PCDHA5: variants seen among roughly 807,000 people sequenced by gnomAD.
The protein encoded by PCDHA5 is protocadherin alpha 5.
Under a neutral mutation model 61.6 loss-of-function variants are expected in PCDHA5, and 43 were observed. The observed-to-expected ratio is 0.70, with a 90% CI of 0.55 to 0.90. The LOEUF (loss-of-function observed/expected upper bound fraction) is 0.90. Among genes scored for constraint, PCDHA5 ranks in the 40% least tolerant of loss-of-function variants. The probability of loss-of-function intolerance (pLI) is 0.00; values close to 1 mark genes in which losing one functional copy is unlikely to be tolerated. For synonymous variants in PCDHA5, 627 were observed against 543.9 expected, an observed-to-expected ratio of 1.15 and a Z score of -2.13; for missense variants, 1,298 against 1,222.7, an observed-to-expected ratio of 1.06 and a Z score of -0.92.
intron 1 of PCDHA5, among the ~76,000 whole-genome samples, chr5:140,844,056 C>T (rs2150368567): frequency 1.3e-5 from 2 of 149,686 alleles, no homozygotes; most frequent in African/African-American, 4.9e-5. Context: ...TCCCCCAAAG[C>T]GTTTATTCTT....
At position 140,835,897 on chromosome 5, in the gene PCDHA5, C is replaced by G. The variant is rs2150247732; in HGVS notation, c.2352+11770C>G. The G allele has an allele frequency of 2.6e-5, 42 of 1,611,960 alleles. No homozygotes were observed. Among genetic ancestry groups the G allele is most frequent in the Middle Eastern group, 4.0e-4 (2 of 4,944 alleles). On this transcript the variant is annotated intron_variant, in intron 1 of 3. Coordinates refer to ENST00000529859, the MANE Select transcript of PCDHA5 (RefSeq NM_018908.3). ...CTGCGGGTGGGCGAGCGCGCGCTGT[C>G]GAGCTACGTGTCAGTGCACGCGGAG...
Position 140,899,489 on chromosome 5 carries a change from A to G in PCDHA5, c.2352+75362A>G, listed in dbSNP as rs1445369123. 2.0e-5 allele frequency among the ~76,000 whole-genome samples: 3 copies of G among 152,246 alleles called. 1 individual carries two copies. Among genetic ancestry groups the G allele is most frequent in the Non-Finnish European group, 4.4e-5 (3 of 68,052 alleles). On this transcript the variant is annotated intron_variant, in intron 1 of 3. Coordinates refer to ENST00000529859, the MANE Select transcript of PCDHA5 (RefSeq NM_018908.3). ...TTTGGTTCTGTTTATATGCTGGATT[A>G]CATTTATTGATTTGCATATATTGCA...
In PCDHA5 at chr5:140,843,823, A is replaced by G; in HGVS notation, c.2352+19696A>G. ...CACCGTATTTTATAGTGAAAATTTAAACATTGTTTAGTTTTTAGAAACCTT... is the reference window on the plus strand; with the variant it reads ...CACCGTATTTTATAGTGAAAATTTAGACATTGTTTAGTTTTTAGAAACCTT... On this transcript the variant is annotated intron_variant, in intron 1 of 3. Transcript: ENST00000529859. 4 of 1,201,188 alleles carry G rather than the reference A, an allele frequency of 3.3e-6. 1 individual carries two copies. The highest frequency in any genetic ancestry group is 4.7e-6 in the Non-Finnish European group (4 of 852,276). 74.4% of individuals were successfully genotyped at this position (1,201,188 alleles called of 1,614,324 possible). A position where few individuals can be genotyped will look rare whatever the true frequency, so the allele number is the denominator to read the frequency against.
intron 3 of PCDHA5, among the ~76,000 whole-genome samples, chr5:140,998,621 A>G (rs1167341355): frequency 5.3e-5 from 8 of 151,758 alleles, no homozygotes; most frequent in Admixed American, 3.9e-4. Context: ...CTGGAGTGCA[A>G]TGGCACAATC....
intron 1 of PCDHA5, chr5:140,858,267 C>G: frequency 6.3e-7 from 1 of 1,597,232 alleles, no homozygotes; most frequent in Non-Finnish European, 8.6e-7. Context: ...CTGGTGTGCT[C>G]TAGCGCGGTG....
chr5:140,968,357 C>A (rs1554230636), intron 1 of PCDHA5: 2 of 1,614,080 alleles, frequency 1.2e-6, no homozygotes, highest in Non-Finnish European at 1.7e-6. Flanking sequence ...CAGTGGCAGC[C>A]TTTATGCTGT....
chr5:140,982,362 A>ATTCTGCTC, intron 2 of PCDHA5, 113 bp from the exon 3 acceptor site: 1 of 1,531,968 alleles, frequency 6.5e-7, no homozygotes, highest in Non-Finnish European at 8.8e-7. Context: ...GCATGAGCAG[A>ATTCTGCTC]ATGTGTTAGC....
chr5:140,944,317 A>G (rs2093641596), intron 1 of PCDHA5, among the ~76,000 whole-genome samples: 2 of 152,090 alleles, frequency 1.3e-5, no homozygotes. Flanking sequence ...CCTCCTGAGT[A>G]GCTGGGATTA....
chr5:140,995,466 T>A (rs1325738929), intron 3 of PCDHA5, among the ~76,000 whole-genome samples: 1 of 152,196 alleles, frequency 6.6e-6, no homozygotes, highest in Non-Finnish European at 1.5e-5. Flanking sequence ...ATTTTTGAAA[T>A]TTTTCATTTA....
At chr5:140,949,603 A>G (rs1218724530) in intron 1 of PCDHA5, among the ~76,000 whole-genome samples, 3 of 151,662 alleles carry the variant, frequency 2.0e-5, no homozygotes, top group Non-Finnish European at 4.4e-5. Flanking sequence ...TGGCCATTCT[A>G]GTCTCATGTT....
chr5:140,884,488 G>T, intron 1 of PCDHA5: 1 of 1,614,046 alleles, frequency 6.2e-7, no homozygotes, highest in East Asian at 2.2e-5. Context: ...CCACTCTAGT[G>T]TGCTCCAGCG....
chr5:140,867,027 C>G (rs1043288554), intron 1 of PCDHA5: 1 of 152,102 alleles, frequency 6.6e-6, no homozygotes, highest in Non-Finnish European at 1.5e-5. Flanking sequence ...ATATCAAACT[C>G]TTTTATGACT....
rs80155737 is a variant in PCDHA5, at chr5:140,924,458, T to C, written c.2353-54491T>C. Among the ~76,000 whole-genome samples, 1,228 of 152,310 alleles carry C rather than the reference T, an allele frequency of 8.1e-3. 6 individuals are homozygous for C. Among genetic ancestry groups the C allele is most frequent in the African/African-American group, 0.019 (794 of 41,566 alleles). On this transcript the variant is annotated intron_variant, in intron 1 of 3. Coordinates refer to ENST00000529859, the MANE Select transcript of PCDHA5 (RefSeq NM_018908.3). The stretch of plus-strand genomic sequence containing the variant: ...GAGATAACGAATGGGTTTGTGTGTT[T>C]AGGGAGGTAACTGGTTTTTAGTGGA...
chr5:140,822,281 AC>A lies in PCDHA5; in HGVS notation c.507del (p.Tyr169Ter), dbSNP rs1562263769. The A allele has an allele frequency of 1.2e-6, 2 of 1,614,142 alleles. No individual in the cohort carries two copies. The highest frequency in any genetic ancestry group is 1.7e-6 in the Non-Finnish European group (2 of 1,180,044). On this transcript the variant is annotated frameshift_variant, in exon 1 of 4. Transcript: ENST00000529859. LOFTEE classifies it high-confidence loss of function. ...ATTGGAGCAAATGCACAATTGAGAT[AC>A]AGGTTAAATCCAAACGAATATTTTG... ...LDIGANAQLRYRLNPNEYFDL... is the reference protein window; with the variant it reads ...LDIGANAQLRXRLNPNEYFDL...
chr5:140,939,481 A>G (rs1554212745), intron 1 of PCDHA5, among the ~76,000 whole-genome samples: 2 of 152,206 alleles, frequency 1.3e-5, no homozygotes, highest in Non-Finnish European at 2.9e-5. Flanking sequence ...CTTCATGAGA[A>G]TGTTAATTAT....
intron 1 of PCDHA5, chr5:140,843,933 G>A: frequency 1.7e-6 from 1 of 576,250 alleles, no homozygotes. Context: ...CTCAAGTTAT[G>A]GTTGGATGAT....
intron 1 of PCDHA5, among the ~76,000 whole-genome samples, chr5:140,916,434 C>T (rs1554197442): frequency 1.3e-5 from 2 of 152,184 alleles, no homozygotes; most frequent in Non-Finnish European, 2.9e-5. Context: ...AACCTAAGGC[C>T]CACAGTATAC....
At chr5:140,828,833 G>A (rs2150159490) in intron 1 of PCDHA5, 2 of 1,614,186 alleles carry the variant, frequency 1.2e-6, no homozygotes, top group Non-Finnish European at 8.5e-7. Context: ...GTCTGAATAC[G>A]AAGTAAGAAT....
At chr5:140,999,993 G>A (rs529237834) in intron 3 of PCDHA5, among the ~76,000 whole-genome samples, 1 of 152,114 alleles carries the variant, frequency 6.6e-6, no homozygotes, top group African/African-American at 2.4e-5. Flanking sequence ...CTGGGTAGTG[G>A]TATTAGATTG....
Sources: gnomAD v4.1 joint callset for allele counts (sites outside exome capture counted in the v4.1 genomes callset) on GRCh38, gnomAD v4.1.1 for gene constraint, MANE v1.5 for transcripts, NCBI Gene and HGNC (gene_info 2026-07-23, HGNC 2026-07-21) for gene names.